The following COL21A1 variants were observed in gnomAD, a reference collection of about 807,000 sequenced individuals.
The protein encoded by COL21A1 is collagen type XXI alpha 1 chain.
COL21A1 carries 149 observed loss-of-function variants against 137.9 expected under a neutral mutation model. That is an observed-to-expected ratio of 1.08 (90% CI 0.95 to 1.24). The LOEUF (loss-of-function observed/expected upper bound fraction) is 1.24. Ranked by LOEUF, COL21A1 falls within the 50% of genes most tolerant of loss-of-function variation. The pLI is 0.00. For missense variants in COL21A1, 1,167 were observed against 1,158.4 expected (o/e 1.01, Z -0.11); for synonymous variants, 456 against 391.5 (o/e 1.16, Z -1.95).
At chr6:56,332,124 T>C (rs575921466) in intron 1 of COL21A1, 1 of 152,102 alleles carries the variant, frequency 6.6e-6, no homozygotes, top group Admixed American at 6.6e-5. Context: ...GGTATTAATT[T>C]AGAATTAATT....
chr6:56,097,152 T>A (rs754560802), intron 17 of COL21A1, among the ~76,000 whole-genome samples: 2 of 152,150 alleles, frequency 1.3e-5, no homozygotes, highest in Admixed American at 6.5e-5. Context: ...TTTCCTGGCA[T>A]AGGAAACTTG....
At chr6:56,160,440 T>C (rs1776110152) in intron 9 of COL21A1, among the ~76,000 whole-genome samples, 1 of 152,126 alleles carries the variant, frequency 6.6e-6, no homozygotes, top group African/African-American at 2.4e-5. Flanking sequence ...TCCAAGCTCC[T>C]AAACACTACC....
rs1176419533 is a variant in COL21A1, at chr6:56,281,552, A to G, written c.-38-98896T>C. On this transcript the variant is annotated intron_variant, in intron 1 of 28. Coordinates refer to the COL21A1 transcript ENST00000370819. ...GAATTTTATAATTTTACTTACCTAC[A>G]AAGTAAAATATCAAATTCTGCTGAT... Among the ~76,000 whole-genome samples, 4 of 152,182 alleles carry G rather than the reference A, an allele frequency of 2.6e-5. No homozygotes were observed. The South Asian group carries it at 6.2e-4, about 24-fold the overall frequency.
At chr6:56,309,816 C>T (rs562193773) in intron 1 of COL21A1, among the ~76,000 whole-genome samples, 1 of 152,270 alleles carries the variant, frequency 6.6e-6, no homozygotes, top group East Asian at 1.9e-4. Flanking sequence ...TTAGACATCC[C>T]TAGAACCTAG....
At chr6:56,361,871 A>C (rs541861959) in intron 1 of COL21A1, among the ~76,000 whole-genome samples, 10 of 152,312 alleles carry the variant, frequency 6.6e-5, no homozygotes, top group African/African-American at 2.4e-4. Context: ...CTGTGTAAGG[A>C]AGCACAGCTC....
chr6:56,116,451 A>AAAAT (rs1194631488), intron 16 of COL21A1, among the ~76,000 whole-genome samples: 3 of 151,410 alleles, frequency 2.0e-5, no homozygotes, highest in Admixed American at 6.6e-5. Flanking sequence ...TATATCCACA[A>AAAAT]AAATATCCTT....
intron 20 of COL21A1, among the ~76,000 whole-genome samples, chr6:56,073,400 T>C (rs941233579): frequency 2.0e-5 from 3 of 151,468 alleles, no homozygotes; most frequent in East Asian, 1.9e-4. Flanking sequence ...TGTCTTTTTT[T>C]TCTCTCTCTT....
chr6:56,286,586 G>A (rs4236138), intron 1 of COL21A1, among the ~76,000 whole-genome samples: 26,373 of 152,170 alleles, frequency 0.17, 3,746 homozygotes, highest in East Asian at 0.59. Context: ...GGCTGAGCAC[G>A]TAGTAAGTAC....
chr6:56,198,115 A>G (rs1361424396), intron 1 of COL21A1, among the ~76,000 whole-genome samples: 1 of 152,120 alleles, frequency 6.6e-6, no homozygotes, highest in Non-Finnish European at 1.5e-5. Context: ...TGAATAAGCC[A>G]TACGCAGAAA....
chr6:56,165,217 T>G (rs1776481903), intron 7 of COL21A1, among the ~76,000 whole-genome samples: 1 of 152,168 alleles, frequency 6.6e-6, no homozygotes, highest in South Asian at 2.1e-4. Context: ...CTGCATGCAT[T>G]AAAATCTTGC....
At chr6:56,276,431 A>C in intron 1 of COL21A1, 1 of 536,250 alleles carries the variant, frequency 1.9e-6, no homozygotes, top group South Asian at 2.6e-5. Context: ...TTTTTTTTTT[A>C]AAGTCAACAA....
intron 7 of COL21A1, among the ~76,000 whole-genome samples, chr6:56,165,659 CTG>C (rs1443878081): frequency 1.3e-5 from 2 of 152,088 alleles, no homozygotes; most frequent in African/African-American, 2.4e-5. Flanking sequence ...CTAGAAAACT[CTG>C]TTTGATTACA....
chr6:56,297,701 T>A (rs1428557109), intron 1 of COL21A1, among the ~76,000 whole-genome samples: 3 of 152,132 alleles, frequency 2.0e-5, no homozygotes, highest in Admixed American at 6.6e-5. Context: ...TTTACAATGA[T>A]AATAAAATGA....
intron 23 of COL21A1, among the ~76,000 whole-genome samples, chr6:56,065,135 A>C (rs1267115258): frequency 6.6e-6 from 1 of 152,108 alleles, no homozygotes; most frequent in African/African-American, 2.4e-5. Flanking sequence ...AAAGGTATAA[A>C]CACATTTATC....
intron 1 of COL21A1, among the ~76,000 whole-genome samples, chr6:56,269,093 A>T (rs1343331586): frequency 2.0e-5 from 3 of 152,230 alleles, no homozygotes; most frequent in African/African-American, 7.2e-5. Context: ...TAAACAAAAC[A>T]TCTGAGAAAT....
chr6:56,257,584 A>G (rs1763134122), intron 1 of COL21A1, among the ~76,000 whole-genome samples: 1 of 152,082 alleles, frequency 6.6e-6, no homozygotes, highest in African/African-American at 2.4e-5. Flanking sequence ...GTTAGCAAAC[A>G]TTTTCTGTAA....
rs181425800 is a variant in COL21A1 at position 56,263,505 on chromosome 6, G to T, written c.-38-80849C>A. On this transcript the variant is annotated intron_variant, in intron 1 of 28. Coordinates refer to the COL21A1 transcript ENST00000370819. ...TTAAAACACACACTTGGTATCAAGCGTTGGAAGCTTGCCATCTTCAAGGTG... is the reference window on the plus strand; with the variant it reads ...TTAAAACACACACTTGGTATCAAGCTTTGGAAGCTTGCCATCTTCAAGGTG... Among the ~76,000 whole-genome samples, 214 of 152,316 alleles carry T rather than the reference G, an allele frequency of 1.4e-3. 1 individual carries two copies. The highest frequency in any genetic ancestry group is 2.7e-3 in the Non-Finnish European group (182 of 68,018).
At chr6:56,330,170 A>G (rs1466547644) in intron 1 of COL21A1, among the ~76,000 whole-genome samples, 1 of 152,098 alleles carries the variant, frequency 6.6e-6, no homozygotes, top group African/African-American at 2.4e-5. Context: ...TTAAGAAAAT[A>G]TAATTCATTT....
At chr6:56,256,282 T>C (rs1187204997) in intron 1 of COL21A1, among the ~76,000 whole-genome samples, 1 of 152,222 alleles carries the variant, frequency 6.6e-6, no homozygotes, top group Non-Finnish European at 1.5e-5. Context: ...CTTATAGGGC[T>C]TCTGATGCAA....
Sources: gnomAD v4.1 joint callset for allele counts (sites outside exome capture counted in the v4.1 genomes callset) on GRCh38, gnomAD v4.1.1 for gene constraint, MANE v1.5 for transcripts, NCBI Gene and HGNC (gene_info 2026-07-23, HGNC 2026-07-21) for gene names.